The following CACNA1D variants were observed in gnomAD, a reference collection of about 807,000 sequenced individuals.
The protein encoded by CACNA1D is calcium voltage-gated channel subunit alpha1 D.
CACNA1D carries 55 observed loss-of-function variants against 257.1 expected under a neutral mutation model. The ratio of observed to expected loss-of-function variants is 0.21; its 90% CI spans 0.17 to 0.27. CACNA1D has a LOEUF of 0.27. CACNA1D is among the 10% of genes least tolerant of loss of function. CACNA1D has a pLI of 1.00. For missense variants in CACNA1D, 1,876 were observed against 2,784.0 expected (o/e 0.67, Z 7.34); for synonymous variants, 980 against 1,014.9 (o/e 0.97, Z 0.65).
intron 3 of CACNA1D, among the ~76,000 whole-genome samples, chr3:53,509,524 G>A (rs1209562313): frequency 6.6e-6 from 1 of 152,198 alleles, no homozygotes; most frequent in Non-Finnish European, 1.5e-5. Flanking sequence ...GTGAGTGGTA[G>A]TTTTAGAAAT....
intron 3 of CACNA1D, among the ~76,000 whole-genome samples, chr3:53,534,773 G>A (rs2092062643): frequency 6.6e-6 from 1 of 152,194 alleles, no homozygotes; most frequent in South Asian, 2.1e-4. Context: ...AATATGTAAT[G>A]TGTTTATTTT....
intron 29 of CACNA1D, among the ~76,000 whole-genome samples, chr3:53,756,746 C>G (rs2095267656): frequency 6.6e-6 from 1 of 152,196 alleles, no homozygotes; most frequent in Admixed American, 6.5e-5. Context: ...TTAAGAAGGG[C>G]CTTTTTCAAA....
At chr3:53,610,099 C>A (rs2093564782) in intron 3 of CACNA1D, among the ~76,000 whole-genome samples, 1 of 152,062 alleles carries the variant, frequency 6.6e-6, no homozygotes, top group South Asian at 2.1e-4. Context: ...AGGGAATGTT[C>A]TTTGTATTCT....
intron 20 of CACNA1D, among the ~76,000 whole-genome samples, chr3:53,737,079 G>A (rs1576507391): frequency 6.6e-6 from 1 of 151,846 alleles, no homozygotes. Context: ...TGGGTGGATC[G>A]CTTGAGGTCA....
Position 53,673,184 on chromosome 3 carries a change from C to T in CACNA1D, c.1220+58C>T, listed in dbSNP as rs1401159466. 1 of 1,218,020 alleles carries T rather than the reference C, an allele frequency of 8.2e-7. No individual in the cohort carries two copies. Among genetic ancestry groups the T allele is most frequent in the African/African-American group, 1.5e-5 (1 of 66,344 alleles). 75.5% of individuals were successfully genotyped at this position (1,218,020 alleles called of 1,614,324 possible). On this transcript the variant is annotated intron_variant, in intron 8 of 47. Transcript: ENST00000350061. This position sits in a 1 kb window ranked among gnomAD's most constrained non-coding sequence, Gnocchi z 4.1. ...GTCCTGAGGACAGTTGCCAAGACCACACAAGCTTTGCTGGATGAGGGCCGC... is the reference window on the plus strand; with the variant it reads ...GTCCTGAGGACAGTTGCCAAGACCATACAAGCTTTGCTGGATGAGGGCCGC...
At chr3:53,797,429 A>C (rs2095512747) in intron 40 of CACNA1D, among the ~76,000 whole-genome samples, 2 of 152,194 alleles carry the variant, frequency 1.3e-5, no homozygotes, top group African/African-American at 4.8e-5. Flanking sequence ...CAAGCAGAAT[A>C]TAATCATGAT....
chr3:53,570,800 G>C (rs763637830), intron 3 of CACNA1D, among the ~76,000 whole-genome samples: 3 of 152,244 alleles, frequency 2.0e-5, no homozygotes, highest in Non-Finnish European at 2.9e-5. Flanking sequence ...ATAAATTTAA[G>C]TACTGTAATT....
intron 3 of CACNA1D, among the ~76,000 whole-genome samples, chr3:53,642,464 C>T (rs1212418934): frequency 1.3e-5 from 2 of 152,224 alleles, no homozygotes; most frequent in Admixed American, 1.3e-4. Context: ...AGGAATGGAG[C>T]AGTTCCTGGG....
intron 14 of CACNA1D, among the ~76,000 whole-genome samples, chr3:53,724,532 T>C (rs2094912707): frequency 6.6e-6 from 1 of 152,194 alleles, no homozygotes; most frequent in Non-Finnish European, 1.5e-5. Flanking sequence ...GCCTGTCCTG[T>C]GGGGCCTCTG....
chr3:53,808,990 G>C (rs927716056), intron 46 of CACNA1D: 2 of 580,946 alleles, frequency 3.4e-6, no homozygotes, highest in Non-Finnish European at 3.0e-6. Context: ...TGAATCCAGG[G>C]AGCCAGCTGC....
chr3:53,808,875 G>A, intron 46 of CACNA1D, 105 bp downstream of exon 46: 2 of 1,198,216 alleles, frequency 1.7e-6, no homozygotes, highest in East Asian at 2.4e-5. Flanking sequence ...GAGGGAAGGA[G>A]AGAATCTTCA....
chr3:53,761,640 C>T (rs1016319890), intron 29 of CACNA1D, among the ~76,000 whole-genome samples: 11 of 152,158 alleles, frequency 7.2e-5, no homozygotes, highest in Admixed American at 7.2e-4. Context: ...TCCATCAGAT[C>T]GTGAGGGTTT....
chr3:53,521,819 A>G (rs2107352823), intron 3 of CACNA1D, among the ~76,000 whole-genome samples: 1 of 152,280 alleles, frequency 6.6e-6, no homozygotes, highest in Non-Finnish European at 1.5e-5. Context: ...ATGAAATTTA[A>G]GATTCTCAGT....
intron 3 of CACNA1D, among the ~76,000 whole-genome samples, chr3:53,649,721 C>T (rs937023230): frequency 5.9e-5 from 9 of 152,150 alleles, no homozygotes; most frequent in East Asian, 1.9e-4. Context: ...GGTAACTTTT[C>T]GGGTCCCACT....
Position 53,800,633 on chromosome 3 carries a change from T to C in CACNA1D, c.5040+268T>C. The C allele has an allele frequency of 3.8e-6, 2 of 530,356 alleles. No homozygotes were observed. The highest frequency in any genetic ancestry group is 7.1e-5 in the East Asian group (2 of 28,230). The allele number at this position is 530,356 out of a possible 1,614,324, so 32.9% of individuals were successfully genotyped here. ...GGAGCTCGGCCACAGCCGCTGGCCCTGTGGATGAGCATCCTGAGTCCTTCC... is the reference window on the plus strand; with the variant it reads ...GGAGCTCGGCCACAGCCGCTGGCCCCGTGGATGAGCATCCTGAGTCCTTCC... On this transcript the variant is annotated intron_variant, in intron 41 of 47. Transcript: ENST00000350061. This position sits in a 1 kb window ranked among gnomAD's most constrained non-coding sequence, Gnocchi z 4.3.
At chr3:53,620,230 C>T (rs2093681020) in intron 3 of CACNA1D, among the ~76,000 whole-genome samples, 1 of 152,132 alleles carries the variant, frequency 6.6e-6, no homozygotes, top group African/African-American at 2.4e-5. Context: ...GTGGGAGTGG[C>T]CATTTTAGAA....
At chr3:53,643,894 C>T (rs1185331237) in intron 3 of CACNA1D, among the ~76,000 whole-genome samples, 1 of 152,126 alleles carries the variant, frequency 6.6e-6, no homozygotes, top group East Asian at 1.9e-4. Context: ...CAGGGAGGGC[C>T]ATGATGAGGG....
Position 53,745,711 on chromosome 3 carries a change from A to G in CACNA1D, c.3094A>G (p.Ile1032Val). 1 of 1,613,738 alleles carries G rather than the reference A, an allele frequency of 6.2e-7. No individual in the cohort carries two copies. The change falls in exon 24 of 48, where the codon ATC becomes GTC. Residue 1032 changes from isoleucine to valine, a missense_variant. By Grantham distance (29) the Ile-to-Val change is conservative. Transcript: ENST00000350061. ...TTLLQFMFAC[I>V]GVQLFKGKFY... ...CCTCCTGCAGTTCATGTTTGCCTGT[A>G]TCGGGGTCCAGTTGTTCAAGGTAGA...
chr3:53,648,055 AAGTC>A (rs1219507778), intron 3 of CACNA1D, among the ~76,000 whole-genome samples: 1 of 152,244 alleles, frequency 6.6e-6, no homozygotes, highest in Non-Finnish European at 1.5e-5. Flanking sequence ...TTCTAAATAA[AAGTC>A]AGAGAGGAAA....
Sources: allele counts gnomAD v4.1 joint callset (sites outside exome capture counted in the v4.1 genomes callset), GRCh38; gene constraint gnomAD v4.1.1; non-coding constraint Gnocchi (gnomAD v3.1); transcripts MANE v1.5; gene names NCBI Gene and HGNC (gene_info 2026-07-23, HGNC 2026-07-21).